Variants in CD109 observed in about 807,000 individuals in gnomAD.
CD109 encodes the protein CD109 molecule.
Under a neutral mutation model 165.8 loss-of-function variants are expected in CD109, and 149 were observed. The observed-to-expected ratio is 0.90, with a 90% confidence interval of 0.79 to 1.03. The LOEUF (loss-of-function observed/expected upper bound fraction) is 1.03. CD109 is among the 50% of genes least tolerant of loss of function. The probability of loss-of-function intolerance (pLI) is 0.00; values close to 1 mark genes in which losing one functional copy is unlikely to be tolerated. For missense variants in CD109, 1,712 were observed against 1,677.8 expected (o/e 1.02, Z -0.36); for synonymous variants, 585 against 592.1 (o/e 0.99, Z 0.18).
chr6:73,728,208 C>T (rs1382608035), intron 3 of CD109, among the ~76,000 whole-genome samples: 1 of 152,150 alleles, frequency 6.6e-6, no homozygotes, highest in African/African-American at 2.4e-5. Flanking sequence ...GTAGTCCCAG[C>T]TACTTGGGAG....
intron 14 of CD109, among the ~76,000 whole-genome samples, chr6:73,771,009 G>A (rs1774013378): frequency 6.6e-6 from 1 of 152,076 alleles, no homozygotes; most frequent in African/African-American, 2.4e-5. Flanking sequence ...TCCCCGAGGA[G>A]CTCTCCTTGC....
At chr6:73,775,306 A>G (rs1028692627) in intron 15 of CD109, among the ~76,000 whole-genome samples, 3 of 152,256 alleles carry the variant, frequency 2.0e-5, no homozygotes, top group Non-Finnish European at 4.4e-5. Flanking sequence ...ATCATTTTGC[A>G]TAGCTACATT....
At chr6:73,690,324 C>T in the CD109 span, among the ~76,000 whole-genome samples, 2 of 152,140 alleles carry the variant, frequency 1.3e-5, no homozygotes, top group African/African-American at 2.4e-5. Context: ...TTGTGAAAGG[C>T]GAAGTTTCTG....
chr6:73,763,850 G>A (rs1773733814), intron 10 of CD109, among the ~76,000 whole-genome samples, 165 bp downstream of exon 10: 2 of 151,978 alleles, frequency 1.3e-5, no homozygotes, highest in Admixed American at 1.3e-4. Flanking sequence ...AATGACCTTT[G>A]TCTATTTTTT....
At chr6:73,776,183 A>AT (rs1774235666) in intron 15 of CD109, among the ~76,000 whole-genome samples, 1 of 151,970 alleles carries the variant, frequency 6.6e-6, no homozygotes, top group Admixed American at 6.6e-5. Flanking sequence ...AGCATCTGTT[A>AT]TTTTTTTGAC....
intron 5 of CD109, among the ~76,000 whole-genome samples, chr6:73,738,776 C>A (rs570140664): frequency 2.8e-4 from 43 of 152,288 alleles, no homozygotes; most frequent in Admixed American, 2.6e-3. Context: ...ATCTTATGTC[C>A]CTTAAGTTTC....
chr6:73,771,077 C>T (rs994573701), intron 14 of CD109, among the ~76,000 whole-genome samples: 7 of 152,170 alleles, frequency 4.6e-5, no homozygotes, highest in East Asian at 1.9e-4. Context: ...TTTCCTCTTT[C>T]GTGTTTCTCC....
At chr6:73,750,702 A>G (rs1197112878) in intron 5 of CD109, among the ~76,000 whole-genome samples, 1 of 152,250 alleles carries the variant, frequency 6.6e-6, no homozygotes, top group Non-Finnish European at 1.5e-5. Context: ...CAGCAGCAAT[A>G]TAATTTCATT....
At chr6:73,820,428 C>T in intron 31 of CD109, 33 bp from the exon 32 acceptor site, 2 of 1,235,836 alleles carry the variant, frequency 1.6e-6, no homozygotes, top group Non-Finnish European at 2.4e-6. Context: ...ACACAGTGTG[C>T]CAACCCCTTA....
intron 5 of CD109, among the ~76,000 whole-genome samples, chr6:73,746,668 T>G (rs1199843349): frequency 6.6e-6 from 1 of 152,162 alleles, no homozygotes; most frequent in Non-Finnish European, 1.5e-5. Context: ...ATGGTAACAC[T>G]GTTTTAGGAG....
intron 23 of CD109, among the ~76,000 whole-genome samples, chr6:73,801,751 G>A (rs1775367814): frequency 6.6e-6 from 1 of 152,176 alleles, no homozygotes; most frequent in Non-Finnish European, 1.5e-5. Flanking sequence ...TATTTATAAA[G>A]TCAAATTTGT....
At chr6:73,769,283 A>C (rs568694291) in intron 14 of CD109, among the ~76,000 whole-genome samples, 15 of 152,324 alleles carry the variant, frequency 9.8e-5, no homozygotes, top group Middle Eastern at 3.4e-3. Context: ...AAGAGTTCTT[A>C]AAAAGATAAC....
At chr6:73,785,957 G>C (rs981040275) in intron 20 of CD109, among the ~76,000 whole-genome samples, 4 of 151,240 alleles carry the variant, frequency 2.6e-5, no homozygotes, top group Non-Finnish European at 5.9e-5. Flanking sequence ...TGATTCTCCT[G>C]CCTCAGCCTC....
intron 30 of CD109, among the ~76,000 whole-genome samples, chr6:73,816,578 A>AT (rs1775945811): frequency 2.6e-5 from 4 of 152,004 alleles, no homozygotes; most frequent in African/African-American, 9.7e-5. Flanking sequence ...TCATTTATTT[A>AT]TTACCTCAGC....
rs1283192225 is a variant in CD109, at chr6:73,808,154, T to C, written c.3261T>C (p.Tyr1087=). The C allele has an allele frequency of 6.2e-7, 1 of 1,613,564 alleles. No individual in the cohort carries two copies. The highest frequency in any genetic ancestry group is 2.2e-5 in the East Asian group (1 of 44,854). Residue 1087 remains tyrosine, a synonymous_variant, in exon 26 of 33, where the codon TAT becomes TAC. Coordinates refer to ENST00000287097, the MANE Select transcript of CD109 (RefSeq NM_133493.5). ...TCAGTAGAGGAATTTCAGACAATTA[T>C]ACTCTAGCCCTTATAACTTATGCAT... is the stretch of plus-strand genomic sequence containing the variant. ...SEFSRGISDN[Y]TLALITYALS... is the part of the protein sequence containing the mutation.
intron 23 of CD109, among the ~76,000 whole-genome samples, chr6:73,798,599 G>A (rs1283770848): frequency 2.0e-5 from 3 of 152,066 alleles, no homozygotes; most frequent in Non-Finnish European, 4.4e-5. Flanking sequence ...CATGGGAGCA[G>A]AGCTGGTGGT....
At chr6:73,765,147 TAAG>T (rs796154251) in intron 10 of CD109, among the ~76,000 whole-genome samples, 2 of 151,660 alleles carry the variant, frequency 1.3e-5, no homozygotes, top group African/African-American at 4.8e-5. Context: ...GGGAGCAAGA[TAAG>T]AAGTGAGACA....
chr6:73,739,298 G>A (rs1262751664), intron 5 of CD109, among the ~76,000 whole-genome samples: 11 of 152,026 alleles, frequency 7.2e-5, no homozygotes, highest in African/African-American at 2.4e-4. Flanking sequence ...AACCACCAGG[G>A]GTCAGTATAA....
the CD109 span, among the ~76,000 whole-genome samples, chr6:73,689,222 A>G: frequency 6.6e-6 from 1 of 152,198 alleles, no homozygotes; most frequent in Non-Finnish European, 1.5e-5. Flanking sequence ...GCTCTAGCAA[A>G]TTAACCAAAC....
Sources: gnomAD v4.1 joint callset for allele counts (sites outside exome capture counted in the v4.1 genomes callset) on GRCh38, gnomAD v4.1.1 for gene constraint, MANE v1.5 for transcripts, NCBI Gene and HGNC (gene_info 2026-07-23, HGNC 2026-07-21) for gene names.